The following KIF26A variants were observed in gnomAD, a reference collection of about 807,000 sequenced individuals.
KIF26A encodes the protein kinesin family member 26A.
A neutral mutation model predicts 126.0 loss-of-function variants in KIF26A; 74 were observed. That is an observed-to-expected ratio of 0.59 (90% CI 0.49 to 0.71). The LOEUF is 0.71. Ranked by LOEUF, KIF26A falls within the 30% of genes least tolerant of loss-of-function variation. The probability of loss-of-function intolerance (pLI) is 0.00; values close to 1 mark genes in which losing one functional copy is unlikely to be tolerated. For synonymous variants in KIF26A, 1,445 were observed against 1,232.7 expected (o/e 1.17, Z -3.61); for missense variants, 2,984 against 2,763.3 (o/e 1.08, Z -1.79).
At chr14:104,157,521 C>T (rs1242793741) in intron 3 of KIF26A, among the ~76,000 whole-genome samples, 1 of 152,176 alleles carries the variant, frequency 6.6e-6, no homozygotes. Context: ...CGCCCACACA[C>T]CCCGAGCTGG....
At chr14:104,158,845 C>T (rs944058381) in intron 4 of KIF26A, among the ~76,000 whole-genome samples, 2 of 152,182 alleles carry the variant, frequency 1.3e-5, no homozygotes, top group East Asian at 3.9e-4. Context: ...CTCCTCTCAT[C>T]CTGATGGTGT....
rs763294423 is a variant in KIF26A, at chr14:104,172,615, C to T, written c.1367C>T (p.Ser456Leu). Residue 456 changes from serine to leucine, a missense_variant, in exon 7 of 15, where the codon TCG becomes TTG. Physicochemically the swap from Ser to Leu is moderately radical, Grantham distance 145. Transcript: ENST00000423312. Reference sequence around the variant, plus strand: ...GGGACCGTGGCCGACGTGCTCCAGTCGGTGGTCAGTGGGGCTGATGGCTGC... The same window carrying T: ...GGGACCGTGGCCGACGTGCTCCAGTTGGTGGTCAGTGGGGCTGATGGCTGC... The part of the protein sequence containing the change: ...CSGTVADVLQ[S>L]VVSGADGCIF... 1.4e-5 allele frequency: 23 copies of T among 1,613,118 alleles called. No individual in the cohort carries two copies. In the Middle Eastern group the frequency reaches 8.2e-4, roughly 58 times the overall value.
At position 104,177,330 on chromosome 14, in the gene KIF26A, G is replaced by A. The variant is rs763233906; in HGVS notation, c.4542G>A (p.Ser1514=). Residue 1514 remains serine (S), a synonymous_variant, in exon 12 of 15, where the codon TCG becomes TCA. Coordinates refer to ENST00000423312, the MANE Select transcript of KIF26A (RefSeq NM_015656.2). Reference sequence around the variant, plus strand: ...GTGGGTCGCGGGCTCTGGGGCCTTCGGTGAAGCTGTCTACGGCCTCTGTGA... The same window carrying A: ...GTGGGTCGCGGGCTCTGGGGCCTTCAGTGAAGCTGTCTACGGCCTCTGTGA... The part of the protein sequence containing the change: ...VAGGSRALGP[S]VKLSTASVTG... The A allele has an allele frequency of 9.9e-6, 15 of 1,522,250 alleles. No individual in the cohort carries two copies. The highest frequency in any genetic ancestry group is 7.3e-5 in the East Asian group (3 of 41,158). The allele number at this position is 1,522,250 out of a possible 1,614,324, so 94.3% of individuals were successfully genotyped here.
rs1255978176 is a variant in KIF26A at position 104,175,901 on chromosome 14, AGGAGCTGTCCCTGGG to A, written c.3116_3130del (p.Glu1039_Gly1043del). On this transcript the variant is annotated inframe_deletion, in exon 12 of 15. Transcript: ENST00000423312. Reference sequence around the variant, plus strand: ...GACGAGCTGGTGTTCACGGTGGTGGAGGAGCTGTCCCTGGGGGCGCTTGCCGGAGCTGGGCGGCCC... The same window carrying A: ...GACGAGCTGGTGTTCACGGTGGTGGAGGCGCTTGCCGGAGCTGGGCGGCCC... 3.2e-6 allele frequency: 5 copies of A among 1,543,528 alleles called. No individual in the cohort carries two copies. Among genetic ancestry groups the A allele is most frequent in the Non-Finnish European group, 4.3e-6 (5 of 1,149,722 alleles).
chr14:104,140,682 G>C (rs923630429), intron 2 of KIF26A, among the ~76,000 whole-genome samples: 1 of 152,156 alleles, frequency 6.6e-6, no homozygotes, highest in Non-Finnish European at 1.5e-5. Flanking sequence ...GTGGATTCTA[G>C]GTTCCTCATC....
rs780357438 is a variant in KIF26A, at chr14:104,175,937, G to A, written c.3149G>A (p.Arg1050Gln). 8 of 1,558,472 alleles carry A rather than the reference G, an allele frequency of 5.1e-6. No individual in the cohort carries two copies. The highest frequency in any genetic ancestry group is 4.7e-5 in the East Asian group (2 of 42,400). ...CTGGGGGCGCTTGCCGGAGCTGGGC[G>A]GCCCACCAGCCTGGCTAGCTTCGAC... is the stretch of plus-strand genomic sequence containing the variant. The part of the protein sequence containing the change: ...LSLGALAGAG[R>Q]PTSLASFDSD... The change falls in exon 12 of 15, where the codon CGG (arginine) becomes CAG (glutamine). Residue 1050 changes from arginine (R) to glutamine (Q), a missense_variant. Coordinates refer to ENST00000423312, the MANE Select transcript of KIF26A (RefSeq NM_015656.2).
At chr14:104,179,532 G>A (rs1205904391) in intron 14 of KIF26A, 77 bp from the exon 15 acceptor site, 2 of 1,439,198 alleles carry the variant, frequency 1.4e-6, no homozygotes, top group Non-Finnish European at 1.8e-6. Context: ...CCTTTCCTGG[G>A]GCCTCTGGGG....
chr14:104,172,323 G>A (rs2037967977), intron 6 of KIF26A, among the ~76,000 whole-genome samples: 1 of 152,242 alleles, frequency 6.6e-6, no homozygotes. Flanking sequence ...TGCGCCCGGC[G>A]GCTGGACTTC....
rs1216768840 is a variant in KIF26A, at chr14:104,175,648, C to A, written c.2860C>A (p.Pro954Thr). The change falls in exon 12 of 15, where the codon CCA becomes ACA. Residue 954 changes from proline to threonine, a missense_variant. Transcript: ENST00000423312. ...GAGGCCACTGCCCAGCCCGGCTCCC[C>A]CACCTCCTCAGTTGCTGGAAGCCTG... ...GRRPLPSPAP[P>T]PPQLLEACRA... 4 of 1,610,010 alleles carry A rather than the reference C, an allele frequency of 2.5e-6. No individual in the cohort carries two copies. The highest frequency in any genetic ancestry group is 2.2e-5 in the East Asian group (1 of 44,836).
At position 104,157,786 on chromosome 14, in the gene KIF26A, C is replaced by T; in HGVS notation, c.767C>T (p.Ala256Val). 6.2e-7 allele frequency: 1 copy of T among 1,610,478 alleles called. No individual in the cohort carries two copies. Among genetic ancestry groups the T allele is most frequent in the South Asian group, 1.1e-5 (1 of 90,830 alleles). The part of the protein sequence containing the change: ...AEAAVAAVAV[A>V]DTVRECPPVA... ...GCAGCGGTGGCGGCCGTGGCGGTGG[C>T]AGACACGGTCCGAGAATGCCCCCCC... is the stretch of plus-strand genomic sequence containing the variant. The change falls in exon 4 of 15, where the codon GCA (alanine) becomes GTA (valine). Residue 256 changes from alanine (A) to valine (V), a missense_variant. Ala to Val is a moderately conservative substitution (Grantham distance 64). Transcript: ENST00000423312.
At chr14:104,158,473 G>A (rs2141101064) in intron 4 of KIF26A, among the ~76,000 whole-genome samples, 1 of 152,370 alleles carries the variant, frequency 6.6e-6, no homozygotes, top group Middle Eastern at 3.4e-3. Context: ...AGGGGCAGCA[G>A]GGCTTGAGCG....
intron 4 of KIF26A, among the ~76,000 whole-genome samples, chr14:104,161,583 A>G (rs1213975232): frequency 2.0e-5 from 3 of 152,234 alleles, no homozygotes; most frequent in Non-Finnish European, 4.4e-5. Flanking sequence ...GGATTGCAGC[A>G]AGACACCTGG....
In KIF26A at chr14:104,177,409, G is replaced by A. The variant is rs1596151913; in HGVS notation, c.4621G>A (p.Gly1541Arg). ...VAGPRAAPRA[G>R]PSVGAKAGRG... ...CGGTCCCAGAGCAGCCCCACGGGCCGGGCCCAGTGTCGGGGCGAAGGCTGG... is the reference window on the plus strand; with the variant it reads ...CGGTCCCAGAGCAGCCCCACGGGCCAGGCCCAGTGTCGGGGCGAAGGCTGG... The change falls in exon 12 of 15, where the codon GGG becomes AGG. Residue 1541 changes from glycine to arginine, a missense_variant. Gly to Arg is a moderately radical substitution (Grantham distance 125, BLOSUM62 -2). Transcript: ENST00000423312. 6.7e-6 allele frequency: 10 copies of A among 1,500,940 alleles called. No individual in the cohort carries two copies. Among genetic ancestry groups the A allele is most frequent in the South Asian group, 1.3e-5 (1 of 77,948 alleles). 93.0% of individuals were successfully genotyped at this position (1,500,940 alleles called of 1,614,324 possible).
chr14:104,140,381 C>A (rs1260805039), intron 2 of KIF26A, among the ~76,000 whole-genome samples: 1 of 152,170 alleles, frequency 6.6e-6, no homozygotes, highest in East Asian at 1.9e-4. Flanking sequence ...CTCTGTGCCC[C>A]AGTGGCCTGT....
At chr14:104,168,754 G>A (rs1419961477) in intron 5 of KIF26A, among the ~76,000 whole-genome samples, 1 of 152,216 alleles carries the variant, frequency 6.6e-6, no homozygotes, top group Non-Finnish European at 1.5e-5. Flanking sequence ...CTCCGGAGGC[G>A]ACATTCTGCA....
At chr14:104,154,008 C>T (rs1018418617) in intron 3 of KIF26A, among the ~76,000 whole-genome samples, 11 of 152,158 alleles carry the variant, frequency 7.2e-5, no homozygotes, top group Non-Finnish European at 1.6e-4. Context: ...GACAGCAGTC[C>T]GGGCGATCGA....
At chr14:104,143,768 C>T (rs539434109) in intron 2 of KIF26A, among the ~76,000 whole-genome samples, 1 of 152,362 alleles carries the variant, frequency 6.6e-6, no homozygotes, top group African/African-American at 2.4e-5. Flanking sequence ...GCTGCCAGGG[C>T]CACCTTTGTG....
In KIF26A at chr14:104,173,351, C is replaced by G. The variant is rs573067195; in HGVS notation, c.1705C>G (p.Arg569Gly). 2 of 1,602,768 alleles carry G rather than the reference C, an allele frequency of 1.2e-6. No homozygotes were observed. The highest frequency in any genetic ancestry group is 1.7e-6 in the Non-Finnish European group (2 of 1,175,304). ...GCAGCTCCAGAACCAAAGCGAGCTG[C>G]GGGCACCCACGGCCGAGAAGGCGGC... The part of the protein sequence containing the change: ...GAQLQNQSEL[R>G]APTAEKAAFY... The change falls in exon 9 of 15, where the codon CGG becomes GGG. Residue 569 changes from arginine to glycine, a missense_variant. Physicochemically the swap from Arg to Gly is moderately radical, Grantham distance 125. Coordinates refer to ENST00000423312, the MANE Select transcript of KIF26A (RefSeq NM_015656.2).
chr14:104,155,892 G>A (rs1182761700), intron 3 of KIF26A, among the ~76,000 whole-genome samples: 2 of 152,208 alleles, frequency 1.3e-5, no homozygotes, highest in African/African-American at 4.8e-5. Context: ...GGGCTGTGGT[G>A]TAGCAGCTCT....
Sources: allele counts gnomAD v4.1 joint callset (sites outside exome capture counted in the v4.1 genomes callset), GRCh38; gene constraint gnomAD v4.1.1; transcripts MANE v1.5; gene names NCBI Gene and HGNC (gene_info 2026-07-23, HGNC 2026-07-21).